Variants in ST6GAL2 observed in about 807,000 individuals in gnomAD.
The protein encoded by ST6GAL2 is beta-galactoside alpha-2,6-sialyltransferase 2.
A neutral mutation model predicts 37.5 loss-of-function variants in ST6GAL2; 24 were observed. That is an observed-to-expected ratio of 0.64 (90% CI 0.46 to 0.90). The LOEUF is 0.90. ST6GAL2 is among the 40% of genes least tolerant of loss of function. The pLI, the probability that ST6GAL2 is intolerant of heterozygous loss-of-function variation, is 0.00. For missense variants in ST6GAL2, 715 were observed against 712.7 expected (o/e 1.00, Z -0.04); for synonymous variants, 306 against 295.1 (o/e 1.04, Z -0.38).
chr2:106,873,315 A>G (rs756966292), intron 1 of ST6GAL2, among the ~76,000 whole-genome samples: 6 of 152,188 alleles, frequency 3.9e-5, no homozygotes, highest in Non-Finnish European at 7.3e-5. Flanking sequence ...TAAACCCAAG[A>G]TCAAGGCCCT....
intron 1 of ST6GAL2, among the ~76,000 whole-genome samples, chr2:106,868,768 A>G (rs1160788656): frequency 6.6e-6 from 1 of 152,180 alleles, no homozygotes; most frequent in East Asian, 1.9e-4. Context: ...AGACAACATC[A>G]TAGGTCAACT....
At chr2:106,839,104 T>A (rs902092073) in intron 2 of ST6GAL2, among the ~76,000 whole-genome samples, 1 of 152,012 alleles carries the variant, frequency 6.6e-6, no homozygotes, top group Non-Finnish European at 1.5e-5. Flanking sequence ...CTGTACTATA[T>A]AAGTGGTACC....
At chr2:106,856,288 A>G (rs1299692487) in intron 1 of ST6GAL2, among the ~76,000 whole-genome samples, 1 of 152,208 alleles carries the variant, frequency 6.6e-6, no homozygotes, top group Admixed American at 6.5e-5. Context: ...ATGTTGAGGG[A>G]CAACCCAAGG....
intron 1 of ST6GAL2, among the ~76,000 whole-genome samples, chr2:106,884,934 T>TACACACAC (rs1553430008): frequency 5.8e-5 from 7 of 120,458 alleles, no homozygotes; most frequent in African/African-American, 2.1e-4. Context: ...TATATATATA[T>TACACACAC]ACATACACAC....
Position 106,817,429 on chromosome 2 carries a change from AG to A in ST6GAL2, c.1319-10481del, listed in dbSNP as rs370430568. ...GATAGAGTCCTGAGGCCCCCATTCC[AG>A]GCCCTAGCTCCTGGCTGACATTTCT... is the stretch of plus-strand genomic sequence containing the variant. On this transcript the variant is annotated intron_variant, in intron 5 of 5. Coordinates refer to ENST00000409382, the MANE Select transcript of ST6GAL2 (RefSeq NM_001142351.2). Among the ~76,000 whole-genome samples the A allele has an allele frequency of 1.4e-4, 21 of 152,356 alleles. No homozygotes were observed. The South Asian group carries it at 3.7e-3, about 27-fold the overall frequency.
At chr2:106,879,708 A>G (rs1390597676) in intron 1 of ST6GAL2, among the ~76,000 whole-genome samples, 1 of 148,276 alleles carries the variant, frequency 6.7e-6, no homozygotes, top group East Asian at 1.9e-4. Flanking sequence ...TATTATATAG[A>G]CCAATTATAT....
chr2:106,848,043 C>CTT (rs1170945878), intron 1 of ST6GAL2, among the ~76,000 whole-genome samples: 137 of 140,150 alleles, frequency 9.8e-4, no homozygotes, highest in African/African-American at 2.8e-3. Context: ...TTTTCTCTTT[C>CTT]TTTTTTTTTT....
chr2:106,844,000 C>G lies in ST6GAL2; in HGVS notation c.-23G>C. On this transcript the variant is annotated 5_prime_UTR_variant, in exon 2 of 6. Transcript: ENST00000409382. ...CATGGCAGGTCTCTGCGGTCAGCACCTTGTGTCTTAATGCAGATGGGTGGC... is the reference window on the plus strand; with the variant it reads ...CATGGCAGGTCTCTGCGGTCAGCACGTTGTGTCTTAATGCAGATGGGTGGC... 6.5e-7 allele frequency: 1 copy of G among 1,537,790 alleles called. No individual in the cohort carries two copies. The highest frequency in any genetic ancestry group is 8.7e-7 in the Non-Finnish European group (1 of 1,145,440).
intron 2 of ST6GAL2, among the ~76,000 whole-genome samples, chr2:106,841,702 T>TG (rs1475256845): frequency 6.6e-6 from 1 of 151,726 alleles, no homozygotes; most frequent in Non-Finnish European, 1.5e-5. Context: ...CTGGGGCAGG[T>TG]GGGGAAATGA....
In ST6GAL2 at chr2:106,801,806, C is replaced by T. The variant is rs2104397470; in HGVS notation, c.*4872G>A. Reference sequence around the variant, plus strand: ...TAAAAATTATCATACAAAAGAATTCCCAAAGCTGTTAAAAAAGTTCACTGG... The same window carrying T: ...TAAAAATTATCATACAAAAGAATTCTCAAAGCTGTTAAAAAAGTTCACTGG... On this transcript the variant is annotated 3_prime_UTR_variant, in exon 6 of 6. Transcript: ENST00000409382. The T allele has an allele frequency of 6.6e-6, 1 of 152,184 alleles. No homozygotes were observed. The highest frequency in any genetic ancestry group is 2.4e-5 in the African/African-American group (1 of 41,544). The allele number at this position is 152,184 out of a possible 1,614,324, so 9.4% of individuals were successfully genotyped here.
chr2:106,861,882 T>C (rs6712906), intron 1 of ST6GAL2, among the ~76,000 whole-genome samples: 133,246 of 152,214 alleles, frequency 0.88, 58,468 homozygotes, highest in East Asian at 0.98. Context: ...TCTGCCCGCC[T>C]TTGGCCTCCC....
chr2:106,842,720 G>A (rs138780428), intron 2 of ST6GAL2, among the ~76,000 whole-genome samples: 1 of 152,218 alleles, frequency 6.6e-6, no homozygotes, highest in African/African-American at 2.4e-5. Context: ...GAAGGACGCC[G>A]GGGGCAAAGG....
At chr2:106,837,290 C>T (rs76994586) in intron 2 of ST6GAL2, among the ~76,000 whole-genome samples, 2,630 of 152,162 alleles carry the variant, frequency 0.017, 69 homozygotes, top group African/African-American at 0.061. Context: ...CCCCATGTGC[C>T]CCACTGAATC....
chr2:106,885,559 G>T (rs936777522), intron 1 of ST6GAL2, among the ~76,000 whole-genome samples: 1 of 152,008 alleles, frequency 6.6e-6, no homozygotes, highest in African/African-American at 2.4e-5. Context: ...ACACAGAACC[G>T]GCAAATCCGA....
chr2:106,850,941 G>A (rs1001729934), intron 1 of ST6GAL2, among the ~76,000 whole-genome samples: 12 of 152,162 alleles, frequency 7.9e-5, no homozygotes, highest in African/African-American at 2.9e-4. Context: ...TCTGTCCCCA[G>A]GCACCAATGG....
intron 2 of ST6GAL2, among the ~76,000 whole-genome samples, chr2:106,838,806 C>T (rs1442169058): frequency 3.3e-5 from 5 of 152,128 alleles, no homozygotes; most frequent in East Asian, 1.9e-4. Flanking sequence ...GAGGCCGAGG[C>T]GAGCAGATCA....
intron 5 of ST6GAL2, among the ~76,000 whole-genome samples, chr2:106,810,825 G>GC (rs770269098): frequency 6.6e-6 from 1 of 152,130 alleles, no homozygotes. Flanking sequence ...GGTGGCTCGT[G>GC]CCTGTGGTCG....
rs865916184 is a variant in ST6GAL2 at position 106,830,192 on chromosome 2, G to A, written c.1192C>T (p.Arg398Cys). ...YNLFTPYIQH[R>C]QRNPNQPFYI... Reference sequence around the variant, plus strand: ...AATGGCTGATTTGGGTTTCTCTGACGATGCTGAATATATGGAGTGAACAGG... The same window carrying A: ...AATGGCTGATTTGGGTTTCTCTGACAATGCTGAATATATGGAGTGAACAGG... Residue 398 changes from arginine to cysteine, a missense_variant, in exon 5 of 6, where the codon CGT becomes TGT. Coordinates refer to ENST00000409382, the MANE Select transcript of ST6GAL2 (RefSeq NM_001142351.2). The A allele has an allele frequency of 7.4e-6, 12 of 1,613,622 alleles. No individual in the cohort carries two copies. The highest frequency in any genetic ancestry group is 2.2e-5 in the South Asian group (2 of 91,082).
chr2:106,844,824 A>G (rs936747106), intron 1 of ST6GAL2, among the ~76,000 whole-genome samples: 4 of 152,122 alleles, frequency 2.6e-5, no homozygotes, highest in African/African-American at 9.7e-5. Context: ...AGGGTAACAA[A>G]AGGGGCAGAG....
Sources: gnomAD v4.1 joint callset for allele counts (sites outside exome capture counted in the v4.1 genomes callset) on GRCh38, gnomAD v4.1.1 for gene constraint, MANE v1.5 for transcripts, NCBI Gene and HGNC (gene_info 2026-07-23, HGNC 2026-07-21) for gene names.